The following MARCHF4 variants were observed in gnomAD, a reference collection of about 807,000 sequenced individuals.
MARCHF4 encodes E3 ubiquitin-protein ligase MARCHF4.
A neutral mutation model predicts 43.9 loss-of-function variants in MARCHF4; 14 were observed. The ratio of observed to expected loss-of-function variants is 0.32; its 90% CI spans 0.21 to 0.50. The LOEUF (loss-of-function observed/expected upper bound fraction) is 0.50. Ranked by LOEUF, MARCHF4 falls within the 20% of genes least tolerant of loss-of-function variation. The pLI is 0.98. For missense variants in MARCHF4, 468 were observed against 536.7 expected (o/e 0.87, Z 1.27); for synonymous variants, 226 against 213.3 (o/e 1.06, Z -0.52).
chr2:216,367,150 A>G (rs1308720188), intron 1 of MARCHF4, among the ~76,000 whole-genome samples: 2 of 152,132 alleles, frequency 1.3e-5, no homozygotes, highest in Non-Finnish European at 2.9e-5. Context: ...GGTCTGCTTA[A>G]TTCCTTTGTT....
At chr2:216,309,971 T>G (rs1330344164) in intron 1 of MARCHF4, among the ~76,000 whole-genome samples, 1 of 152,188 alleles carries the variant, frequency 6.6e-6, no homozygotes, top group African/African-American at 2.4e-5. Flanking sequence ...CTATCTAGAA[T>G]GGCTTTGGTG....
chr2:216,263,487 G>GAC (rs1690779484), intron 3 of MARCHF4, among the ~76,000 whole-genome samples: 1 of 113,292 alleles, frequency 8.8e-6, no homozygotes, highest in African/African-American at 3.0e-5. Flanking sequence ...GAAAGAAGGA[G>GAC]AGAGAAAGAG....
intron 1 of MARCHF4, among the ~76,000 whole-genome samples, chr2:216,366,591 A>G (rs1692669182): frequency 6.6e-6 from 1 of 151,772 alleles, no homozygotes; most frequent in Admixed American, 6.6e-5. Flanking sequence ...TATTTCCTTC[A>G]CCTGAAATTC....
intron 1 of MARCHF4, among the ~76,000 whole-genome samples, chr2:216,331,402 C>G (rs954243244): frequency 6.6e-6 from 1 of 152,020 alleles, no homozygotes; most frequent in African/African-American, 2.4e-5. Context: ...AATGGCTTCA[C>G]TGATGAATTA....
At chr2:216,291,359 G>A (rs1691305069) in intron 1 of MARCHF4, among the ~76,000 whole-genome samples, 1 of 152,164 alleles carries the variant, frequency 6.6e-6, no homozygotes, top group Non-Finnish European at 1.5e-5. Context: ...GCAATATGAA[G>A]AAAAGGCATA....
intron 1 of MARCHF4, among the ~76,000 whole-genome samples, chr2:216,361,766 T>C (rs1371443016): frequency 6.6e-6 from 1 of 152,192 alleles, no homozygotes; most frequent in Non-Finnish European, 1.5e-5. Context: ...GATGGAAGCA[T>C]AGCCTTAGAC....
intron 1 of MARCHF4, among the ~76,000 whole-genome samples, chr2:216,328,700 A>G (rs1692035863): frequency 1.3e-5 from 2 of 152,242 alleles, no homozygotes; most frequent in Admixed American, 6.5e-5. Context: ...TGCAAAGAGC[A>G]ATAACAATGA....
chr2:216,283,808 C>T, intron 1 of MARCHF4, 79 bp from the exon 2 acceptor site: 1 of 1,431,166 alleles, frequency 7.0e-7, no homozygotes, highest in Non-Finnish European at 9.3e-7. Flanking sequence ...AGGGTGGCAG[C>T]TGCAGCCTGG....
intron 1 of MARCHF4, among the ~76,000 whole-genome samples, chr2:216,327,353 C>T (rs967248551): frequency 6.6e-6 from 1 of 151,928 alleles, no homozygotes; most frequent in Non-Finnish European, 1.5e-5. Context: ...CTTCACCCCC[C>T]CACCACCAGC....
chr2:216,285,958 G>C (rs1427058407), intron 1 of MARCHF4, among the ~76,000 whole-genome samples: 1 of 152,220 alleles, frequency 6.6e-6, no homozygotes, highest in African/African-American at 2.4e-5. Context: ...TTCCCAAGCA[G>C]CAGCCAAGAG....
chr2:216,367,718 C>A (rs983477106), intron 1 of MARCHF4, among the ~76,000 whole-genome samples: 1 of 152,164 alleles, frequency 6.6e-6, no homozygotes, highest in African/African-American at 2.4e-5. Context: ...ATTTATGACA[C>A]CCCATCAAAA....
chr2:216,274,852 C>T (rs1574460587), intron 3 of MARCHF4, among the ~76,000 whole-genome samples: 3 of 152,046 alleles, frequency 2.0e-5, no homozygotes, highest in South Asian at 4.2e-4. Context: ...CGCAGTCATG[C>T]TCTGAAATGG....
chr2:216,313,177 G>A (rs1691717366), intron 1 of MARCHF4, among the ~76,000 whole-genome samples: 1 of 152,088 alleles, frequency 6.6e-6, no homozygotes, highest in Non-Finnish European at 1.5e-5. Flanking sequence ...TTTGTGAAAG[G>A]TCAATTTGTT....
chr2:216,370,079 G>A lies in MARCHF4; in HGVS notation c.182C>T (p.Pro61Leu), dbSNP rs1465471992. 1.9e-6 allele frequency: 3 copies of A among 1,577,140 alleles called. No individual in the cohort carries two copies. The highest frequency in any genetic ancestry group is 1.2e-5 in the South Asian group (1 of 86,640). Residue 61 changes from proline (P) to leucine (L), a missense_variant, in exon 1 of 4, where the codon CCC (proline) becomes CTC (leucine). Coordinates refer to ENST00000273067, the MANE Select transcript of MARCHF4 (RefSeq NM_020814.3). ...CTGGGGGTCGCCGTGCATGGGCAGG[G>A]GCGCTTGAGGAGGGCGCCGCAGTAA... Reference protein sequence around the residue: ...VFLLRRPPQAPLPMHGDPQPP... With the variant: ...VFLLRRPPQALLPMHGDPQPP...
intron 1 of MARCHF4, among the ~76,000 whole-genome samples, chr2:216,360,894 C>T (rs528597069): frequency 7.1e-6 from 1 of 140,114 alleles, no homozygotes; most frequent in African/African-American, 3.3e-5. Flanking sequence ...TTCCAGGGCT[C>T]GTCTCAAATT....
intron 1 of MARCHF4, among the ~76,000 whole-genome samples, chr2:216,364,197 A>G (rs1692630853): frequency 6.6e-6 from 1 of 152,010 alleles, no homozygotes; most frequent in Admixed American, 6.6e-5. Context: ...TTGGCATTTG[A>G]CACCGCTTTT....
intron 1 of MARCHF4, among the ~76,000 whole-genome samples, chr2:216,347,487 A>C (rs1341761206): frequency 1.3e-5 from 2 of 152,188 alleles, no homozygotes; most frequent in Non-Finnish European, 2.9e-5. Context: ...CTTTATCCAG[A>C]GAGTAGAAGC....
At position 216,336,742 on chromosome 2, in the gene MARCHF4, T is replaced by TAA. The variant is rs58031229; in HGVS notation, c.516+33001_516+33002dup. 8.0e-3 allele frequency among the ~76,000 whole-genome samples: 443 copies of TAA among 55,556 alleles called. 13 individuals carry two copies. The highest frequency in any genetic ancestry group is 0.018 in the African/African-American group (357 of 19,530). 36.4% of individuals were successfully genotyped at this position (55,556 alleles called of 152,430 possible). A position where few individuals can be genotyped will look rare whatever the true frequency, so the allele number is the denominator to read the frequency against. ...GGCAAATGGGAAAGGCAAATAGATT[T>TAA]AAAAAAAAAAAAAAAAAAAAAAAAA... On this transcript the variant is annotated intron_variant, in intron 1 of 3. Transcript: ENST00000273067.
At chr2:216,342,144 A>C (rs1488885236) in intron 1 of MARCHF4, among the ~76,000 whole-genome samples, 1 of 152,200 alleles carries the variant, frequency 6.6e-6, no homozygotes, top group East Asian at 1.9e-4. Context: ...ACATAGCCAG[A>C]CTAGGCCAAA....
Sources: allele counts gnomAD v4.1 joint callset (sites outside exome capture counted in the v4.1 genomes callset), GRCh38; gene constraint gnomAD v4.1.1; transcripts MANE v1.5; gene names NCBI Gene and HGNC (gene_info 2026-07-23, HGNC 2026-07-21).